The following EFCAB11 variants were observed in gnomAD, a reference collection of about 807,000 sequenced individuals.
The protein encoded by EFCAB11 is EF-hand calcium binding domain 11.
In EFCAB11, 14 loss-of-function variants were observed where a neutral mutation model predicts 23.0. The ratio of observed to expected loss-of-function variants is 0.61; its 90% confidence interval spans 0.40 to 0.95. EFCAB11 has a LOEUF of 0.95. EFCAB11 is among the 40% of genes least tolerant of loss of function. The probability of loss-of-function intolerance (pLI) is 0.00; values close to 1 mark genes in which losing one functional copy is unlikely to be tolerated. For synonymous variants in EFCAB11, 65 were observed against 66.6 expected, an observed-to-expected ratio of 0.98 and a Z score of 0.11; for missense variants, 198 against 195.8, an observed-to-expected ratio of 1.01 and a Z score of -0.07.
At chr14:89,904,889 T>A (rs1889448514) in intron 5 of EFCAB11, among the ~76,000 whole-genome samples, 1 of 152,194 alleles carries the variant, frequency 6.6e-6, no homozygotes, top group South Asian at 2.1e-4. Flanking sequence ...GTCAGATGGG[T>A]AGATTGCAAA....
intron 3 of EFCAB11, among the ~76,000 whole-genome samples, chr14:89,941,475 G>A (rs8022306): frequency 0.68 from 103,534 of 152,024 alleles, 36,635 homozygotes; most frequent in African/African-American, 0.89. Context: ...CTAGAAGGTC[G>A]GATCACGTTG....
chr14:89,796,382 C>A lies in EFCAB11; in HGVS notation c.*861G>T, dbSNP rs889343853. The A allele has an allele frequency of 2.0e-5, 3 of 152,242 alleles. No homozygotes were observed. The highest frequency in any genetic ancestry group is 4.4e-5 in the Non-Finnish European group (3 of 68,072). 9.4% of individuals were successfully genotyped at this position (152,242 alleles called of 1,614,324 possible). A position where few individuals can be genotyped will look rare whatever the true frequency, so the allele number is the denominator to read the frequency against. On this transcript the variant is annotated 3_prime_UTR_variant, in exon 6 of 6. Transcript: ENST00000316738. ...AGTGCGACAGTGCAATCATGGCTCA[C>A]TGAAGCTTCAAACCCCTGGGCTCAA...
At chr14:89,900,984 G>A (rs780993994) in intron 5 of EFCAB11, among the ~76,000 whole-genome samples, 52 of 152,074 alleles carry the variant, frequency 3.4e-4, no homozygotes, top group African/African-American at 3.1e-4. Context: ...ATGAAGACAC[G>A]GGGAAAGGAA....
At chr14:89,938,660 A>G (rs1890676600) in intron 3 of EFCAB11, among the ~76,000 whole-genome samples, 1 of 152,134 alleles carries the variant, frequency 6.6e-6, no homozygotes, top group Non-Finnish European at 1.5e-5. Flanking sequence ...GATGGCTCAC[A>G]TCTGTAATCC....
At chr14:89,919,453 G>C (rs1043573244) in intron 5 of EFCAB11, among the ~76,000 whole-genome samples, 9 of 152,124 alleles carry the variant, frequency 5.9e-5, no homozygotes, top group African/African-American at 2.2e-4. Context: ...ATTGATTCTT[G>C]GGCTTAATGG....
At chr14:89,846,600 G>C (rs776663351) in intron 5 of EFCAB11, among the ~76,000 whole-genome samples, 14 of 152,148 alleles carry the variant, frequency 9.2e-5, no homozygotes, top group Non-Finnish European at 1.9e-4. Context: ...TACATTAATT[G>C]ATCAATATCA....
intron 5 of EFCAB11, among the ~76,000 whole-genome samples, chr14:89,914,357 G>C (rs1889771870): frequency 6.6e-6 from 1 of 152,194 alleles, no homozygotes; most frequent in South Asian, 2.1e-4. Flanking sequence ...AAAAGGACAG[G>C]GTGAGGAGCA....
chr14:89,857,159 C>T (rs1044867679), intron 5 of EFCAB11, among the ~76,000 whole-genome samples: 11 of 152,224 alleles, frequency 7.2e-5, no homozygotes, highest in African/African-American at 2.4e-4. Context: ...ATCTTTCTTA[C>T]AGAGAAAAAG....
chr14:89,885,006 T>C (rs1396737074), intron 5 of EFCAB11, among the ~76,000 whole-genome samples: 1 of 152,186 alleles, frequency 6.6e-6, no homozygotes, highest in Non-Finnish European at 1.5e-5. Flanking sequence ...TTCGCAGTCT[T>C]AAGAACTGTG....
intron 5 of EFCAB11, among the ~76,000 whole-genome samples, chr14:89,833,754 T>C (rs1306618917): frequency 6.6e-6 from 1 of 152,236 alleles, no homozygotes; most frequent in Admixed American, 6.5e-5. Context: ...ATCCATTGTC[T>C]TTTTAAGGTT....
rs1488219271 is a variant in EFCAB11 at position 89,851,958 on chromosome 14, T to C, written c.411-54634A>G. 2.6e-5 allele frequency among the ~76,000 whole-genome samples: 4 copies of C among 152,270 alleles called. No homozygotes were observed. The East Asian group carries it at 7.7e-4, about 29-fold the overall frequency. On this transcript the variant is annotated intron_variant, in intron 5 of 5. Transcript: ENST00000316738. ...GTGGAGAGTTTGCCAAAGGATACCATCGAATGCCAAAAGAGTCTTTGGAAA... is the reference window on the plus strand; with the variant it reads ...GTGGAGAGTTTGCCAAAGGATACCACCGAATGCCAAAAGAGTCTTTGGAAA...
At chr14:89,893,924 TAAC>T (rs1391340551) in intron 5 of EFCAB11, among the ~76,000 whole-genome samples, 1 of 151,936 alleles carries the variant, frequency 6.6e-6, no homozygotes, top group Non-Finnish European at 1.5e-5. Context: ...TTTCAAAAAA[TAAC>T]ATCTCAATAG....
chr14:89,872,781 G>T (rs1888321473), intron 5 of EFCAB11, among the ~76,000 whole-genome samples: 1 of 148,802 alleles, frequency 6.7e-6, no homozygotes, highest in Non-Finnish European at 1.5e-5. Flanking sequence ...GAAGAGATTA[G>T]GACACACACA....
chr14:89,922,798 T>C (rs1363502853), intron 5 of EFCAB11, among the ~76,000 whole-genome samples: 2 of 152,052 alleles, frequency 1.3e-5, no homozygotes, highest in Non-Finnish European at 2.9e-5. Context: ...TACAAATAAC[T>C]ATGAAAAAGC....
At chr14:89,829,663 T>G (rs956645096) in intron 5 of EFCAB11, among the ~76,000 whole-genome samples, 1 of 152,176 alleles carries the variant, frequency 6.6e-6, no homozygotes, top group Non-Finnish European at 1.5e-5. Flanking sequence ...TAGAATCAAA[T>G]GGCAAAAATG....
chr14:89,910,921 G>A (rs950342536), intron 5 of EFCAB11, among the ~76,000 whole-genome samples: 2 of 152,194 alleles, frequency 1.3e-5, no homozygotes, highest in African/African-American at 4.8e-5. Flanking sequence ...GCTAAATAAA[G>A]AGAACTGGAG....
chr14:89,834,804 T>C (rs1350763577), intron 5 of EFCAB11, among the ~76,000 whole-genome samples: 1 of 152,186 alleles, frequency 6.6e-6, no homozygotes, highest in African/African-American at 2.4e-5. Flanking sequence ...TGCAGCTTAA[T>C]GCAGAGCTTC....
At chr14:89,810,750 C>T (rs1017551475) in intron 5 of EFCAB11, among the ~76,000 whole-genome samples, 117 of 96,624 alleles carry the variant, frequency 1.2e-3, no homozygotes, top group African/African-American at 3.6e-3. Context: ...AGTGAGACTC[C>T]GTCTCAAAAA....
Position 89,797,214 on chromosome 14 carries a change from C to A in EFCAB11, c.*29G>T. 1 of 1,588,744 alleles carries A rather than the reference C, an allele frequency of 6.3e-7. No homozygotes were observed. The highest frequency in any genetic ancestry group is 1.3e-5 in the African/African-American group (1 of 74,264). ...CTGACATTACAATCTATTGATCTCC[C>A]CAGAGTTACCAAAAGTAGTTCACAA... On this transcript the variant is annotated 3_prime_UTR_variant, in exon 6 of 6. Coordinates refer to ENST00000316738, the MANE Select transcript of EFCAB11 (RefSeq NM_145231.4).
Sources: allele counts gnomAD v4.1 joint callset (sites outside exome capture counted in the v4.1 genomes callset), GRCh38; gene constraint gnomAD v4.1.1; transcripts MANE v1.5; gene names NCBI Gene and HGNC (gene_info 2026-07-23, HGNC 2026-07-21).